The following FOXP1 variants were observed in gnomAD, a reference collection of about 807,000 sequenced individuals.
The protein encoded by FOXP1 is forkhead box P1.
A neutral mutation model predicts 98.2 loss-of-function variants in FOXP1; 15 were observed. The ratio of observed to expected loss-of-function variants is 0.15; its 90% CI spans 0.10 to 0.24. The LOEUF (loss-of-function observed/expected upper bound fraction) is 0.24, where lower values mean the gene tolerates loss of function less well. Ranked by LOEUF, FOXP1 falls within the 10% of genes least tolerant of loss-of-function variation. The pLI is 1.00. For synonymous variants in FOXP1, 371 were observed against 314.5 expected (o/e 1.18, Z -1.90); for missense variants, 633 against 848.5 (o/e 0.75, Z 3.15).
intron 3 of FOXP1, among the ~76,000 whole-genome samples, chr3:71,452,978 C>T (rs2087111324): frequency 6.6e-6 from 1 of 152,180 alleles, no homozygotes; most frequent in African/African-American, 2.4e-5. Context: ...TGGAGTGAGG[C>T]AGCAACAACA....
intron 5 of FOXP1, among the ~76,000 whole-genome samples, chr3:71,253,686 A>G (rs776191381): frequency 1.3e-5 from 2 of 152,214 alleles, no homozygotes; most frequent in Non-Finnish European, 2.9e-5. Flanking sequence ...AAAAATATTA[A>G]TAAGCTCATC....
intron 2 of FOXP1, among the ~76,000 whole-genome samples, chr3:71,578,839 T>G (rs548295322): frequency 8.1e-4 from 123 of 152,316 alleles, no homozygotes; most frequent in Non-Finnish European, 1.2e-3. Context: ...CAGAAAACCA[T>G]GCCTAGGCTC....
intron 5 of FOXP1, among the ~76,000 whole-genome samples, chr3:71,287,140 A>C (rs1365859714): frequency 1.3e-5 from 2 of 152,246 alleles, no homozygotes; most frequent in Non-Finnish European, 2.9e-5. Flanking sequence ...TACATACAGT[A>C]AAAGTATATA....
chr3:71,065,295 G>C (rs1213606299), intron 7 of FOXP1, among the ~76,000 whole-genome samples: 2 of 152,144 alleles, frequency 1.3e-5, no homozygotes, highest in Non-Finnish European at 2.9e-5. Flanking sequence ...TGTTTGTTTC[G>C]TCTTTGAGAC....
intron 6 of FOXP1, among the ~76,000 whole-genome samples, chr3:71,152,939 A>C (rs967619433): frequency 7.2e-5 from 11 of 152,076 alleles, no homozygotes; most frequent in African/African-American, 2.7e-4. Context: ...TTGCTTAATA[A>C]CTCGGCAAGT....
At chr3:71,246,636 C>G (rs1471672468) in intron 5 of FOXP1, among the ~76,000 whole-genome samples, 1 of 152,192 alleles carries the variant, frequency 6.6e-6, no homozygotes, top group Non-Finnish European at 1.5e-5. Context: ...AATTAAATCT[C>G]CTATGCCACT....
At chr3:71,217,928 G>A (rs2065065548) in intron 5 of FOXP1, among the ~76,000 whole-genome samples, 1 of 152,108 alleles carries the variant, frequency 6.6e-6, no homozygotes, top group Admixed American at 6.5e-5. Context: ...TCAACCTCGA[G>A]TGTCTCTCCC....
intron 3 of FOXP1, among the ~76,000 whole-genome samples, chr3:71,402,717 G>A (rs953166275): frequency 2.6e-5 from 4 of 152,176 alleles, no homozygotes; most frequent in Middle Eastern, 3.2e-3. Context: ...GGAATGGAAC[G>A]GGTACCCCAA....
chr3:71,566,855 G>A (rs529683163), intron 2 of FOXP1, among the ~76,000 whole-genome samples: 1 of 152,100 alleles, frequency 6.6e-6, no homozygotes, highest in East Asian at 1.9e-4. Context: ...GTCTCCTTGA[G>A]CCTGGGCCCT....
chr3:71,490,102 T>C (rs2090956256), intron 3 of FOXP1, among the ~76,000 whole-genome samples: 1 of 152,114 alleles, frequency 6.6e-6, no homozygotes, highest in Non-Finnish European at 1.5e-5. Flanking sequence ...TGTTTGACAA[T>C]GGAATGACTA....
intron 3 of FOXP1, among the ~76,000 whole-genome samples, chr3:71,369,117 C>T (rs540372558): frequency 1.1e-4 from 16 of 151,944 alleles, no homozygotes; most frequent in East Asian, 5.8e-4. Context: ...CAGCTGGGCA[C>T]GGTGGCTCAC....
intron 9 of FOXP1, among the ~76,000 whole-genome samples, chr3:71,051,256 A>G (rs536642229): frequency 6.6e-6 from 1 of 152,206 alleles, no homozygotes; most frequent in Non-Finnish European, 1.5e-5. Context: ...AGCACCCGGT[A>G]GAGCGCCACT....
chr3:71,022,723 C>G (rs1047826065), intron 11 of FOXP1, among the ~76,000 whole-genome samples: 1 of 152,178 alleles, frequency 6.6e-6, no homozygotes. Flanking sequence ...TTTCACTGCT[C>G]TGCCCTCCAA....
chr3:71,224,018 GGA>G (rs1259713911), intron 5 of FOXP1, among the ~76,000 whole-genome samples: 1 of 152,188 alleles, frequency 6.6e-6, no homozygotes, highest in African/African-American at 2.4e-5. Context: ...CATAGACTAA[GGA>G]GGTGATCAAA....
chr3:71,055,730 A>AGC (rs1559830850), intron 7 of FOXP1, among the ~76,000 whole-genome samples: 1 of 152,234 alleles, frequency 6.6e-6, no homozygotes, highest in African/African-American at 2.4e-5. Flanking sequence ...TGCTAAAGCC[A>AGC]GCGTATCACA....
chr3:71,066,524 A>C (rs1191378661), intron 7 of FOXP1, among the ~76,000 whole-genome samples: 1 of 152,178 alleles, frequency 6.6e-6, no homozygotes, highest in African/African-American at 2.4e-5. Context: ...CCCGACTATC[A>C]GTAGAGTTCT....
chr3:71,187,049 T>A (rs980637109), intron 6 of FOXP1, among the ~76,000 whole-genome samples: 2 of 152,376 alleles, frequency 1.3e-5, no homozygotes, highest in South Asian at 2.1e-4. Context: ...GGTGGCAGGC[T>A]GGATCTGGCC....
intron 5 of FOXP1, among the ~76,000 whole-genome samples, chr3:71,206,443 T>G (rs1168228150): frequency 6.6e-6 from 1 of 152,174 alleles, no homozygotes; most frequent in African/African-American, 2.4e-5. Context: ...TATGGACAAT[T>G]CAGATGGGCT....
At chr3:71,131,580 G>A (rs908775541) in intron 6 of FOXP1, among the ~76,000 whole-genome samples, 3 of 152,110 alleles carry the variant, frequency 2.0e-5, no homozygotes, top group Non-Finnish European at 2.9e-5. Context: ...GCTGTCAGTG[G>A]GATGTTTACA....
Sources: gnomAD v4.1 joint callset for allele counts (sites outside exome capture counted in the v4.1 genomes callset) on GRCh38, gnomAD v4.1.1 for gene constraint, MANE v1.5 for transcripts, NCBI Gene and HGNC (gene_info 2026-07-23, HGNC 2026-07-21) for gene names.